The following LPP variants were observed in gnomAD, a reference collection of about 807,000 sequenced individuals.
The protein encoded by LPP is LIM domain containing preferred translocation partner in lipoma, also known as lipoma-preferred partner.
In LPP, 38 loss-of-function variants were observed where a neutral mutation model predicts 60.4. The observed-to-expected ratio is 0.63, with a 90% CI of 0.49 to 0.83. The LOEUF is 0.83. Among genes scored for constraint, LPP ranks in the 40% least tolerant of loss-of-function variants. The pLI is 0.00. For synonymous variants in LPP, 328 were observed against 290.8 expected (o/e 1.13, Z -1.30); for missense variants, 902 against 783.6 (o/e 1.15, Z -1.80).
chr3:188,553,685 T>C lies in LPP; in HGVS notation c.429+28898T>C, dbSNP rs144476402. ...TGGTGAATAGAAGAAGCCTAGTAAATTGGAAGATTCTCTTGATGAAACAGA... is the reference window on the plus strand; with the variant it reads ...TGGTGAATAGAAGAAGCCTAGTAAACTGGAAGATTCTCTTGATGAAACAGA... On this transcript the variant is annotated intron_variant, in intron 6 of 11. Coordinates refer to ENST00000617246, the MANE Select transcript of LPP (RefSeq NM_001375462.1). The C allele has an allele frequency of 1.2e-4, 19 of 152,304 alleles. No individual in the cohort carries two copies. In the East Asian group the frequency reaches 3.5e-3, roughly 28 times the overall value. The allele number at this position is 152,304 out of a possible 1,614,324, so 9.4% of individuals were successfully genotyped here. A position where few individuals can be genotyped will look rare whatever the true frequency, so the allele number is the denominator to read the frequency against.
intron 4 of LPP, among the ~76,000 whole-genome samples, chr3:188,409,003 T>A (rs535651602): frequency 6.6e-6 from 1 of 152,192 alleles, no homozygotes; most frequent in Admixed American, 6.5e-5. Flanking sequence ...CACTCGTCCT[T>A]ATGTTCCTCA....
At chr3:188,378,688 C>T (rs947299705) in intron 3 of LPP, among the ~76,000 whole-genome samples, 9 of 152,298 alleles carry the variant, frequency 5.9e-5, no homozygotes, top group South Asian at 4.1e-4. Flanking sequence ...CACCCTGCTT[C>T]GGCTCGTGCA....
intron 4 of LPP, among the ~76,000 whole-genome samples, chr3:188,448,381 T>TAAATAG (rs1208810164): frequency 2.6e-5 from 4 of 151,566 alleles, no homozygotes; most frequent in African/African-American, 9.7e-5. Flanking sequence ...AATATCTATC[T>TAAATAG]ATATTGAGAT....
At chr3:188,854,323 A>G (rs1252185440) in intron 9 of LPP, among the ~76,000 whole-genome samples, 20 of 152,214 alleles carry the variant, frequency 1.3e-4, no homozygotes, top group Admixed American at 1.3e-3. Flanking sequence ...TATTACAGCC[A>G]AGATACTGTT....
At chr3:188,745,579 T>C (rs1235930069) in intron 8 of LPP, among the ~76,000 whole-genome samples, 2 of 152,184 alleles carry the variant, frequency 1.3e-5, no homozygotes, top group Non-Finnish European at 2.9e-5. Context: ...CAATGAGTCT[T>C]CTACCTCAAG....
intron 4 of LPP, among the ~76,000 whole-genome samples, chr3:188,414,349 A>G (rs1785622045): frequency 6.6e-6 from 1 of 152,148 alleles, no homozygotes. Flanking sequence ...TCACAGGAAC[A>G]TTTTGGATTT....
At chr3:188,322,401 T>C (rs1158411675) in intron 2 of LPP, among the ~76,000 whole-genome samples, 2 of 152,164 alleles carry the variant, frequency 1.3e-5, no homozygotes, top group Non-Finnish European at 2.9e-5. Flanking sequence ...TGTCATTTTC[T>C]CAGAGCCCTG....
At chr3:188,415,310 A>G (rs1324990075) in intron 4 of LPP, among the ~76,000 whole-genome samples, 1 of 152,136 alleles carries the variant, frequency 6.6e-6, no homozygotes, top group East Asian at 1.9e-4. Context: ...GATGTGGAGA[A>G]ATGATCTCTC....
intron 4 of LPP, among the ~76,000 whole-genome samples, chr3:188,408,752 A>G (rs1784255950): frequency 6.8e-6 from 1 of 146,462 alleles, no homozygotes; most frequent in Non-Finnish European, 1.5e-5. Context: ...ACCCTACAAA[A>G]TGTTTTTTTT....
chr3:188,699,147 T>C (rs1364041940), intron 7 of LPP, among the ~76,000 whole-genome samples: 1 of 152,178 alleles, frequency 6.6e-6, no homozygotes, highest in African/African-American at 2.4e-5. Flanking sequence ...AAATCAACAA[T>C]AGAAAAAGAA....
chr3:188,647,844 T>C (rs997916165), intron 7 of LPP, among the ~76,000 whole-genome samples: 2 of 152,214 alleles, frequency 1.3e-5, no homozygotes, highest in African/African-American at 4.8e-5. Context: ...AAAGTGTTCC[T>C]CTTTCATAAT....
At chr3:188,646,433 C>G (rs930978756) in intron 7 of LPP, among the ~76,000 whole-genome samples, 1 of 152,168 alleles carries the variant, frequency 6.6e-6, no homozygotes, top group African/African-American at 2.4e-5. Context: ...TAAAATAATT[C>G]TTTGCATACA....
intron 8 of LPP, among the ~76,000 whole-genome samples, chr3:188,754,945 A>G (rs1302702387): frequency 2.0e-5 from 3 of 152,238 alleles, no homozygotes; most frequent in Non-Finnish European, 4.4e-5. Flanking sequence ...ACTGTGCTTC[A>G]GGAAAATAAC....
chr3:188,317,364 A>G (rs1379485863), intron 2 of LPP, among the ~76,000 whole-genome samples: 1 of 151,982 alleles, frequency 6.6e-6, no homozygotes, highest in Non-Finnish European at 1.5e-5. Context: ...TTGGGCACAT[A>G]GTGTAATGGA....
At chr3:188,825,269 C>CTCTCTCTGTGTGTGTGTG (rs1463318065) in intron 9 of LPP, among the ~76,000 whole-genome samples, 2 of 101,754 alleles carry the variant, frequency 2.0e-5, no homozygotes, top group African/African-American at 7.9e-5. Context: ...CTCTCTCTCT[C>CTCTCTCTGTGTGTGTGTG]TGTGTGTGTG....
At chr3:188,413,472 G>A (rs546093439) in intron 4 of LPP, among the ~76,000 whole-genome samples, 11 of 152,214 alleles carry the variant, frequency 7.2e-5, no homozygotes, top group South Asian at 4.1e-4. Flanking sequence ...ACAAATTCAC[G>A]GAAACATCAG....
At chr3:188,438,354 TACACAC>T (rs67832532) in intron 4 of LPP, among the ~76,000 whole-genome samples, 1,899 of 138,076 alleles carry the variant, frequency 0.014, 21 homozygotes, top group South Asian at 0.045. Flanking sequence ...TTCCATGCAT[TACACAC>T]ACACACACAC....
chr3:188,753,866 C>G (rs1729096123), intron 8 of LPP, among the ~76,000 whole-genome samples: 1 of 152,154 alleles, frequency 6.6e-6, no homozygotes, highest in African/African-American at 2.4e-5. Context: ...TAGCCACGTA[C>G]CTGTTGAACC....
chr3:188,372,189 C>G (rs1177828074), intron 3 of LPP, among the ~76,000 whole-genome samples: 1 of 152,052 alleles, frequency 6.6e-6, no homozygotes, highest in South Asian at 2.1e-4. Context: ...ATTGGCTTGA[C>G]AGCAAAACTC....
Sources: gnomAD v4.1 joint callset for allele counts (sites outside exome capture counted in the v4.1 genomes callset) on GRCh38, gnomAD v4.1.1 for gene constraint, MANE v1.5 for transcripts, NCBI Gene and HGNC (gene_info 2026-07-23, HGNC 2026-07-21) for gene names.